Variants in PTPRR observed in about 807,000 individuals in gnomAD.
PTPRR encodes the protein receptor-type tyrosine-protein phosphatase R.
PTPRR carries 38 observed loss-of-function variants against 77.2 expected under a neutral mutation model. The ratio of observed to expected loss-of-function variants is 0.49; its 90% CI spans 0.38 to 0.65. The LOEUF (loss-of-function observed/expected upper bound fraction) is 0.65. Among genes scored for constraint, PTPRR ranks in the 30% least tolerant of loss-of-function variants. The pLI is 0.00. For synonymous variants in PTPRR, 299 were observed against 283.1 expected (o/e 1.06, Z -0.57); for missense variants, 744 against 799.2 (o/e 0.93, Z 0.83).
intron 6 of PTPRR, among the ~76,000 whole-genome samples, chr12:70,707,351 T>C (rs1888654935): frequency 6.6e-6 from 1 of 152,144 alleles, no homozygotes; most frequent in South Asian, 2.1e-4. Context: ...TTTTATTCAA[T>C]ATATTCTTTT....
intron 5 of PTPRR, among the ~76,000 whole-genome samples, chr12:70,748,749 G>C (rs1890291040): frequency 6.6e-6 from 1 of 152,102 alleles, no homozygotes; most frequent in Non-Finnish European, 1.5e-5. Flanking sequence ...AATGTGTTCA[G>C]ATTTCAAAAC....
rs2136631457 is a variant in PTPRR at position 70,639,230 on chromosome 12, G to A, written c.1928C>T (p.Ala643Val). The A allele has an allele frequency of 6.2e-7, 1 of 1,613,570 alleles. No homozygotes were observed. The highest frequency in any genetic ancestry group is 2.2e-5 in the East Asian group (1 of 44,874). Reference sequence around the variant, plus strand: ...AAGTCTGCTCTCATACAGGCACAGAGCATGGTGCACAAATTCATACTGCTC... The same window carrying A: ...AAGTCTGCTCTCATACAGGCACAGAACATGGTGCACAAATTCATACTGCTC... ...TSEQYEFVHH[A>V]LCLYESRLSA... is the part of the protein sequence containing the mutation. Residue 643 changes from alanine to valine, a missense_variant, in exon 14 of 14, where the codon GCT becomes GTT. Physicochemically the swap from Ala to Val is moderately conservative, Grantham distance 64 (BLOSUM62 0). Around this residue, in one of 3 missense-constraint regions of PTPRR, gnomAD observed 170 missense variants for 209.8 expected, o/e 0.81. Coordinates refer to ENST00000283228, the MANE Select transcript of PTPRR (RefSeq NM_002849.4).
chr12:70,781,004 C>T (rs1299284724), intron 2 of PTPRR, among the ~76,000 whole-genome samples: 1 of 152,170 alleles, frequency 6.6e-6, no homozygotes, highest in African/African-American at 2.4e-5. Flanking sequence ...CTGCCTGTGA[C>T]TGGTGAGAAA....
At chr12:70,728,203 T>A (rs1453427062) in intron 6 of PTPRR, among the ~76,000 whole-genome samples, 3 of 103,786 alleles carry the variant, frequency 2.9e-5, no homozygotes, top group Non-Finnish European at 6.0e-5. Flanking sequence ...AGATTTTGGA[T>A]TTTTTTTTTT....
At chr12:70,880,937 C>G (rs1893139694) in intron 2 of PTPRR, among the ~76,000 whole-genome samples, 1 of 151,982 alleles carries the variant, frequency 6.6e-6, no homozygotes, top group Non-Finnish European at 1.5e-5. Flanking sequence ...AAAAGTTATA[C>G]TTAACATATA....
intron 6 of PTPRR, among the ~76,000 whole-genome samples, chr12:70,720,972 C>G (rs764152089): frequency 1.6e-4 from 25 of 152,256 alleles, no homozygotes; most frequent in Admixed American, 1.6e-3. Flanking sequence ...TAGAGGTGCT[C>G]CTTAACAGCA....
At chr12:70,743,711 G>T (rs1890123986) in intron 6 of PTPRR, among the ~76,000 whole-genome samples, 1 of 152,144 alleles carries the variant, frequency 6.6e-6, no homozygotes, top group Non-Finnish European at 1.5e-5. Context: ...CACTTGCTCT[G>T]CTAGAATCCC....
chr12:70,676,226 T>A (rs1221731939), intron 10 of PTPRR, among the ~76,000 whole-genome samples: 1 of 152,008 alleles, frequency 6.6e-6, no homozygotes, highest in African/African-American at 2.4e-5. Flanking sequence ...CTTAGCTTTA[T>A]ATTTGAATCC....
chr12:70,816,510 T>G (rs1891905507), intron 2 of PTPRR, among the ~76,000 whole-genome samples: 1 of 152,096 alleles, frequency 6.6e-6, no homozygotes, highest in African/African-American at 2.4e-5. Flanking sequence ...CAAAATTTAT[T>G]TATATTTATT....
intron 2 of PTPRR, among the ~76,000 whole-genome samples, chr12:70,880,202 T>C (rs1206882704): frequency 6.6e-6 from 1 of 152,188 alleles, no homozygotes; most frequent in Admixed American, 6.5e-5. Flanking sequence ...ATGCTTTCAA[T>C]ACCTTATGTC....
intron 10 of PTPRR, among the ~76,000 whole-genome samples, chr12:70,665,362 T>A (rs1214925015): frequency 9.6e-6 from 1 of 104,550 alleles, no homozygotes; most frequent in African/African-American, 4.5e-5. Context: ...GCAATGCAAA[T>A]TCTTTTTTTT....
intron 2 of PTPRR, among the ~76,000 whole-genome samples, chr12:70,765,303 A>G (rs1277156307): frequency 2.6e-5 from 4 of 152,158 alleles, no homozygotes; most frequent in South Asian, 2.1e-4. Flanking sequence ...GGTCACTCCC[A>G]CCCCAATACT....
At chr12:70,919,578 T>A (rs1023196308) in intron 1 of PTPRR, among the ~76,000 whole-genome samples, 1 of 151,944 alleles carries the variant, frequency 6.6e-6, no homozygotes, top group Non-Finnish European at 1.5e-5. Flanking sequence ...TATTTATATT[T>A]GGGAGCAGTC....
Position 70,764,743 on chromosome 12 carries a change from G to A in PTPRR, c.393C>T (p.Thr131=), listed in dbSNP as rs1890774491. 1 of 1,614,124 alleles carries A rather than the reference G, an allele frequency of 6.2e-7. No homozygotes were observed. Residue 131 remains threonine, a synonymous_variant, in exon 3 of 14, where the codon ACC becomes ACT. Coordinates refer to ENST00000283228, the MANE Select transcript of PTPRR (RefSeq NM_002849.4). ...CTCCTTGGCGGAAGATCCGAAGCAA[G>A]GTTATGTTCAGCTTGTTTACATCCA... ...LQMDVNKLNI[T]LLRIFRQGVA... is the part of the protein sequence containing the mutation.
At chr12:70,647,118 A>G (rs2136646480) in intron 13 of PTPRR, among the ~76,000 whole-genome samples, 1 of 152,248 alleles carries the variant, frequency 6.6e-6, no homozygotes, top group East Asian at 1.9e-4. Flanking sequence ...GGCAACTACA[A>G]ATTCCATCCT....
chr12:70,666,198 T>TG (rs148776041), intron 10 of PTPRR, among the ~76,000 whole-genome samples: 6,966 of 152,182 alleles, frequency 0.046, 347 homozygotes, highest in East Asian at 0.14. Context: ...AAAATTGCCT[T>TG]GGGGGGCTAG....
intron 5 of PTPRR, among the ~76,000 whole-genome samples, chr12:70,752,845 C>G (rs888917730): frequency 2.0e-5 from 3 of 152,144 alleles, no homozygotes; most frequent in Admixed American, 1.3e-4. Context: ...ATGCAATTAA[C>G]CATAACAAGG....
intron 1 of PTPRR, among the ~76,000 whole-genome samples, chr12:70,914,856 A>C (rs1319975902): frequency 6.6e-6 from 1 of 152,106 alleles, no homozygotes; most frequent in Non-Finnish European, 1.5e-5. Flanking sequence ...ACAACAACAA[A>C]AACAAAAAGA....
At chr12:70,867,986 G>T (rs1592803129) in intron 2 of PTPRR, among the ~76,000 whole-genome samples, 1 of 152,132 alleles carries the variant, frequency 6.6e-6, no homozygotes, top group African/African-American at 2.4e-5. Flanking sequence ...CTAGCCATAT[G>T]TAGAAAGCTG....
Sources: allele counts gnomAD v4.1 joint callset (sites outside exome capture counted in the v4.1 genomes callset), GRCh38; gene constraint gnomAD v4.1.1; regional missense constraint gnomAD v4.1.1; transcripts MANE v1.5; gene names NCBI Gene and HGNC (gene_info 2026-07-23, HGNC 2026-07-21).